Variants in GGA1 observed in about 807,000 individuals in gnomAD.
GGA1 encodes the protein ADP-ribosylation factor-binding protein GGA1.
A neutral mutation model predicts 76.9 loss-of-function variants in GGA1; 18 were observed. The ratio of observed to expected loss-of-function variants is 0.23; its 90% CI spans 0.16 to 0.35. The LOEUF (loss-of-function observed/expected upper bound fraction) is 0.35. Ranked by LOEUF, GGA1 falls within the 10% of genes least tolerant of loss-of-function variation. The pLI, the probability that GGA1 is intolerant of heterozygous loss-of-function variation, is 1.00. For missense variants in GGA1, 755 were observed against 859.0 expected (o/e 0.88, Z 1.51); for synonymous variants, 342 against 354.7 (o/e 0.96, Z 0.40).
intron 1 of GGA1, among the ~76,000 whole-genome samples, chr22:37,612,359 C>T (rs1474882230): frequency 4.1e-5 from 6 of 147,628 alleles, no homozygotes; most frequent in Non-Finnish European, 8.9e-5. Context: ...GTAGTCCCAG[C>T]TACTCGGGAG....
chr22:37,617,400 A>C, intron 3 of GGA1: 1 of 1,077,222 alleles, frequency 9.3e-7, no homozygotes, highest in Middle Eastern at 4.2e-4. Flanking sequence ...GCTTGGGCTC[A>C]GGCCTGAGGT....
Position 37,625,798 on chromosome 22 carries a change from G to A in GGA1, c.942G>A (p.Gly314=). 6.4e-7 allele frequency: 1 copy of A among 1,566,186 alleles called. No homozygotes were observed. Among genetic ancestry groups the A allele is most frequent in the Non-Finnish European group, 8.7e-7 (1 of 1,151,880 alleles). The change falls in exon 11 of 17, where the codon GGG becomes GGA. Residue 314 remains glycine (G), a splice_region_variant and synonymous_variant. Coordinates refer to ENST00000343632, the MANE Select transcript of GGA1 (RefSeq NM_013365.5). This position sits in a 1 kb window ranked among gnomAD's most constrained non-coding sequence, Gnocchi z 4.1. ...NGDATAGSIP[G]STSALLDLSG... ...CCAGCCTCTTCTTTCCCACCCCAGG[G>A]AGCACCTCGGCCCTGCTGGATCTCT...
chr22:37,621,075 G>A (rs1281152613), intron 6 of GGA1, among the ~76,000 whole-genome samples, 162 bp downstream of exon 6: 2 of 152,196 alleles, frequency 1.3e-5, no homozygotes, highest in Non-Finnish European at 2.9e-5. Context: ...TTTAATATGT[G>A]CTGAGTATGT....
At chr22:37,612,823 T>G in intron 1 of GGA1, 1 of 618,768 alleles carries the variant, frequency 1.6e-6, no homozygotes, top group Non-Finnish European at 2.0e-6. Context: ...GATGGGGAAA[T>G]GGAGGTTCAG....
chr22:37,611,791 G>A (rs1249120480), intron 1 of GGA1, among the ~76,000 whole-genome samples: 1 of 152,238 alleles, frequency 6.6e-6, no homozygotes, highest in Non-Finnish European at 1.5e-5. Context: ...GTGGGCTGTG[G>A]AGAAATGAAG....
intron 1 of GGA1, among the ~76,000 whole-genome samples, chr22:37,611,114 C>G (rs1459997654): frequency 6.6e-6 from 1 of 152,200 alleles, no homozygotes; most frequent in East Asian, 1.9e-4. Flanking sequence ...TGATGTTCCC[C>G]AGCCTTTGTT....
At chr22:37,609,021 C>CGG (rs1037530475) in intron 1 of GGA1, 118 bp downstream of exon 1, 1 of 1,382,574 alleles carries the variant, frequency 7.2e-7, no homozygotes, top group African/African-American at 1.5e-5. Flanking sequence ...GCCCCCGGCC[C>CGG]GGGAGGGGCG....
chr22:37,609,173 C>T, intron 1 of GGA1: 2 of 1,429,564 alleles, frequency 1.4e-6, no homozygotes, highest in Non-Finnish European at 1.9e-6. Flanking sequence ...CGCCGGGAAC[C>T]CCCGGGACGG....
chr22:37,624,145 G>A lies in GGA1; in HGVS notation c.832+512G>A, dbSNP rs1272801950. 1 of 165,206 alleles carries A rather than the reference G, an allele frequency of 6.1e-6. No individual in the cohort carries two copies. The highest frequency in any genetic ancestry group is 1.7e-4 in the East Asian group (1 of 5,890). The allele number at this position is 165,206 out of a possible 1,614,324, so 10.2% of individuals were successfully genotyped here. ...TGTCAGCCTGGGCCACTTGGGCTGC[G>A]GTCTGGGTACCATCCACTCCCTCAT... On this transcript the variant is annotated intron_variant, in intron 9 of 16. Transcript: ENST00000343632. The surrounding 1 kb of genome is among the most constrained non-coding windows in gnomAD (Gnocchi z 4.3).
intron 1 of GGA1, among the ~76,000 whole-genome samples, chr22:37,609,814 C>T (rs1292687792): frequency 6.6e-6 from 1 of 152,170 alleles, no homozygotes; most frequent in African/African-American, 2.4e-5. Flanking sequence ...TGTTGGGACC[C>T]CGTCGTTGCC....
rs565526695 is a variant in GGA1 at position 37,625,706 on chromosome 22, G to A, written c.941-91G>A. ...GGCAGGAGACCAGTGGTAAAGCATC[G>A]GGGGTTAGGTGTTGCTCCCCCGCAA... On this transcript the variant is annotated intron_variant, in intron 10 of 16. Coordinates refer to ENST00000343632, the MANE Select transcript of GGA1 (RefSeq NM_013365.5). The surrounding 1 kb of genome is among the most constrained non-coding windows in gnomAD (Gnocchi z 4.1). The A allele has an allele frequency of 3.8e-5, 37 of 985,360 alleles. No homozygotes were observed. Among genetic ancestry groups the A allele is most frequent in the Non-Finnish European group, 5.2e-5 (36 of 690,296 alleles). 61.0% of individuals were successfully genotyped at this position (985,360 alleles called of 1,614,324 possible).
At chr22:37,619,990 C>G in intron 4 of GGA1, 1 of 621,552 alleles carries the variant, frequency 1.6e-6, no homozygotes, top group South Asian at 1.9e-5. Context: ...CATGTCAGTT[C>G]TGCATCCTCA....
chr22:37,611,817 C>G (rs1415582339), intron 1 of GGA1, among the ~76,000 whole-genome samples: 1 of 152,218 alleles, frequency 6.6e-6, no homozygotes, highest in Non-Finnish European at 1.5e-5. Flanking sequence ...GCTCTGGCTG[C>G]CGCCATGGCC....
chr22:37,626,036 C>A, intron 11 of GGA1, 87 bp downstream of exon 11: 1 of 1,092,044 alleles, frequency 9.2e-7, no homozygotes, highest in Non-Finnish European at 1.3e-6. Context: ...AGCGGAACCA[C>A]GTACCCCAGG....
Position 37,633,084 on chromosome 22 carries a change from T to G in GGA1, c.*373T>G. ...CAGCTGGGGTGGGGTCTTCCCCACCTGTCTCTTATGCCTTATGGGAAGGCC... is the reference window on the plus strand; with the variant it reads ...CAGCTGGGGTGGGGTCTTCCCCACCGGTCTCTTATGCCTTATGGGAAGGCC... On this transcript the variant is annotated 3_prime_UTR_variant, in exon 17 of 17. Transcript: ENST00000343632. 4.4e-6 allele frequency: 1 copy of G among 226,050 alleles called. No homozygotes were observed. Among genetic ancestry groups the G allele is most frequent in the Non-Finnish European group, 9.0e-6 (1 of 111,344 alleles). The allele number at this position is 226,050 out of a possible 1,614,324, so 14.0% of individuals were successfully genotyped here. A position where few individuals can be genotyped will look rare whatever the true frequency, so the allele number is the denominator to read the frequency against.
chr22:37,619,076 A>G (rs112001058), intron 4 of GGA1, among the ~76,000 whole-genome samples: 5,503 of 151,896 alleles, frequency 0.036, 324 homozygotes, highest in African/African-American at 0.12. Context: ...CTTTTTCTTT[A>G]TTTTTTTGAG....
chr22:37,632,338 G>A lies in GGA1; in HGVS notation c.1699-67G>A, dbSNP rs555570171. The A allele has an allele frequency of 1.0e-3, 1,408 of 1,375,600 alleles. 2 individuals carry two copies. Among genetic ancestry groups the A allele is most frequent in the Non-Finnish European group, 9.6e-4 (929 of 965,202 alleles). 85.2% of individuals were successfully genotyped at this position (1,375,600 alleles called of 1,614,324 possible). The stretch of plus-strand genomic sequence containing the variant: ...TCCCCGGAGGGGAGCTGGCAGGCTG[G>A]GCCTGGTTCCTCAGAGCAGGACAAG... On this transcript the variant is annotated intron_variant, in intron 15 of 16. Transcript: ENST00000343632. This position sits in a 1 kb window ranked among gnomAD's most constrained non-coding sequence, Gnocchi z 5.1.
At chr22:37,630,631 A>C in intron 13 of GGA1, 3 of 513,144 alleles carry the variant, frequency 5.8e-6, no homozygotes, top group Non-Finnish European at 1.0e-5. Context: ...CAGTGGCATG[A>C]TCTCGGCTCA....
At chr22:37,618,420 TC>T in intron 3 of GGA1, 27 bp from the exon 4 acceptor site, 1 of 1,405,762 alleles carries the variant, frequency 7.1e-7, no homozygotes, top group South Asian at 1.2e-5. Context: ...CACCTGGGCG[TC>T]CCCTCCCATC....
Sources: allele counts gnomAD v4.1 joint callset (sites outside exome capture counted in the v4.1 genomes callset), GRCh38; gene constraint gnomAD v4.1.1; non-coding constraint Gnocchi (gnomAD v3.1); transcripts MANE v1.5; gene names NCBI Gene and HGNC (gene_info 2026-07-23, HGNC 2026-07-21).